DLG2: variants seen among roughly 807,000 people sequenced by gnomAD.
DLG2 encodes disks large homolog 2.
DLG2 carries 45 observed loss-of-function variants against 132.5 expected under a neutral mutation model. The ratio of observed to expected loss-of-function variants is 0.34; its 90% CI spans 0.27 to 0.44. The LOEUF (loss-of-function observed/expected upper bound fraction) is 0.44. Ranked by LOEUF, DLG2 falls within the 20% of genes least tolerant of loss-of-function variation. The pLI, the probability that DLG2 is intolerant of heterozygous loss-of-function variation, is 1.00. For missense variants in DLG2, 1,045 were observed against 1,196.9 expected (o/e 0.87, Z 1.87); for synonymous variants, 424 against 419.6 (o/e 1.01, Z -0.13).
At position 84,508,293 on chromosome 11, in the gene DLG2, G is replaced by A. The variant is rs529111962; in HGVS notation, c.519+26277C>T. Among the ~76,000 whole-genome samples, 8 of 151,706 alleles carry A rather than the reference G, an allele frequency of 5.3e-5. No homozygotes were observed. The South Asian group carries it at 1.5e-3, about 28-fold the overall frequency. On this transcript the variant is annotated intron_variant, in intron 7 of 27. Coordinates refer to ENST00000376104, the MANE Select transcript of DLG2 (RefSeq NM_001142699.3). ...AATAAGCATAGTTTGGCCTCAAGGC[G>A]TTTTTATTACCTGTTGTCTTTCATT...
chr11:85,147,061 C>G (rs1307003754), intron 5 of DLG2, among the ~76,000 whole-genome samples: 1 of 152,216 alleles, frequency 6.6e-6, no homozygotes, highest in Admixed American at 6.5e-5. Flanking sequence ...TGCGAACACA[C>G]AGATTTTCTG....
At chr11:84,413,662 G>A (rs1304325747) in intron 7 of DLG2, among the ~76,000 whole-genome samples, 1 of 152,128 alleles carries the variant, frequency 6.6e-6, no homozygotes, top group East Asian at 1.9e-4. Context: ...AATCCCTGCA[G>A]GGTTCAGTCA....
At chr11:83,471,115 G>A (rs2091969510) in intron 24 of DLG2, among the ~76,000 whole-genome samples, 1 of 151,988 alleles carries the variant, frequency 6.6e-6, no homozygotes, top group South Asian at 2.1e-4. Context: ...TGGCCTAGAG[G>A]TCAAATTGAA....
chr11:84,611,504 A>G (rs990264657), intron 6 of DLG2, among the ~76,000 whole-genome samples: 6 of 152,092 alleles, frequency 3.9e-5, no homozygotes, highest in Non-Finnish European at 7.4e-5. Flanking sequence ...TTAAAATTCT[A>G]TCATTATTAG....
chr11:84,549,092 G>C (rs182000430), intron 6 of DLG2, among the ~76,000 whole-genome samples: 38 of 152,348 alleles, frequency 2.5e-4, no homozygotes, highest in Admixed American at 7.8e-4. Context: ...TCCATGTTCA[G>C]TTGAGTTAAT....
At chr11:84,729,961 T>C (rs994642658) in intron 6 of DLG2, among the ~76,000 whole-genome samples, 3 of 152,060 alleles carry the variant, frequency 2.0e-5, no homozygotes, top group African/African-American at 7.2e-5. Flanking sequence ...CAAGTGTTTT[T>C]TGAAATAATT....
At chr11:84,867,178 TGA>T (rs2084698569) in intron 6 of DLG2, among the ~76,000 whole-genome samples, 1 of 152,064 alleles carries the variant, frequency 6.6e-6, no homozygotes, top group Non-Finnish European at 1.5e-5. Flanking sequence ...CACAGTAGAG[TGA>T]GAGACACATA....
At chr11:84,058,506 CAATAATAATAAT>C (rs900276483) in intron 11 of DLG2, among the ~76,000 whole-genome samples, 1 of 128,154 alleles carries the variant, frequency 7.8e-6, no homozygotes, top group Non-Finnish European at 1.6e-5. Context: ...AAAACAAATA[CAATAATAATAAT>C]AATAATAATA....
chr11:84,597,618 C>G (rs367591194), intron 6 of DLG2, among the ~76,000 whole-genome samples: 1 of 152,134 alleles, frequency 6.6e-6, no homozygotes, highest in Admixed American at 6.5e-5. Flanking sequence ...GATGATATGG[C>G]AGTGGCAACC....
Position 85,246,532 on chromosome 11 carries a change from G to A in DLG2, c.186+38688C>T, listed in dbSNP as rs190516091. Reference sequence around the variant, plus strand: ...TGTCTCTCACATGCTCCCTCTCCACGTCCCTCCCCCTCACCCCCTCCCTCC... The same window carrying A: ...TGTCTCTCACATGCTCCCTCTCCACATCCCTCCCCCTCACCCCCTCCCTCC... On this transcript the variant is annotated intron_variant, in intron 4 of 27. Coordinates refer to ENST00000376104, the MANE Select transcript of DLG2 (RefSeq NM_001142699.3). 1.7e-3 allele frequency among the ~76,000 whole-genome samples: 258 copies of A among 150,392 alleles called. 1 individual carries two copies. Among genetic ancestry groups the A allele is most frequent in the African/African-American group, 6.2e-3 (252 of 40,940 alleles).
At chr11:84,513,391 A>G (rs935335937) in intron 7 of DLG2, among the ~76,000 whole-genome samples, 2 of 152,072 alleles carry the variant, frequency 1.3e-5, no homozygotes, top group African/African-American at 2.4e-5. Context: ...TATCCTGAGT[A>G]TAAAGAAAAA....
chr11:84,851,500 G>A (rs2082162071), intron 6 of DLG2, among the ~76,000 whole-genome samples: 1 of 152,080 alleles, frequency 6.6e-6, no homozygotes, highest in Non-Finnish European at 1.5e-5. Context: ...ACTGTTAGCT[G>A]TATGTTTCTA....
At chr11:84,371,729 A>G (rs2098707404) in intron 7 of DLG2, among the ~76,000 whole-genome samples, 1 of 152,216 alleles carries the variant, frequency 6.6e-6, no homozygotes. Flanking sequence ...TGGTTAGTTA[A>G]CAAAAAAGTC....
chr11:84,559,293 A>G (rs549852545), intron 6 of DLG2, among the ~76,000 whole-genome samples: 1 of 152,268 alleles, frequency 6.6e-6, no homozygotes, highest in East Asian at 1.9e-4. Context: ...AACCAGACAC[A>G]GAAGATACAG....
At position 84,853,200 on chromosome 11, in the gene DLG2, C is replaced by T. The variant is rs528449807; in HGVS notation, c.357+258461G>A. ...TGTTTTTAAAAGACTCTGAATAACC[C>T]TATTTGCTTCTTTGATAGACTACAT... On this transcript the variant is annotated intron_variant, in intron 6 of 27. Transcript: ENST00000376104. Among the ~76,000 whole-genome samples the T allele has an allele frequency of 5.3e-5, 8 of 152,040 alleles. No homozygotes were observed. The South Asian group carries it at 8.3e-4, about 16-fold the overall frequency.
intron 3 of DLG2, among the ~76,000 whole-genome samples, chr11:85,582,879 T>C (rs2078645053): frequency 6.7e-6 from 1 of 149,282 alleles, no homozygotes; most frequent in South Asian, 2.1e-4. Context: ...AGGACTGGCA[T>C]ACCCTCTGGA....
chr11:84,097,773 T>C (rs1375167012), intron 10 of DLG2, among the ~76,000 whole-genome samples: 1 of 152,202 alleles, frequency 6.6e-6, no homozygotes, highest in Non-Finnish European at 1.5e-5. Context: ...TGAGGGGATT[T>C]ACAACCTAGC....
At chr11:85,498,509 TAGAC>T (rs1340311837) in intron 3 of DLG2, among the ~76,000 whole-genome samples, 1 of 152,116 alleles carries the variant, frequency 6.6e-6, no homozygotes, top group Non-Finnish European at 1.5e-5. Flanking sequence ...TTGTCAATAT[TAGAC>T]AGATCAGCTA....
intron 6 of DLG2, among the ~76,000 whole-genome samples, chr11:84,600,164 G>GAAAGA (rs1565419031): frequency 1.3e-5 from 1 of 74,502 alleles, no homozygotes; most frequent in Non-Finnish European, 2.9e-5. Flanking sequence ...AAGAAGGAAA[G>GAAAGA]AAAGAAAGAA....
Sources: gnomAD v4.1 joint callset for allele counts (sites outside exome capture counted in the v4.1 genomes callset) on GRCh38, gnomAD v4.1.1 for gene constraint, MANE v1.5 for transcripts, NCBI Gene and HGNC (gene_info 2026-07-23, HGNC 2026-07-21) for gene names.